ROR2: variants seen among roughly 807,000 people sequenced by gnomAD.
ROR2 encodes the protein ROR family WNT receptor 2, also known as tyrosine-protein kinase transmembrane receptor ROR2.
Under a neutral mutation model 74.9 loss-of-function variants are expected in ROR2, and 33 were observed. The observed-to-expected ratio is 0.44, with a 90% CI of 0.33 to 0.59. ROR2 has a LOEUF of 0.59. Among genes scored for constraint, ROR2 ranks in the 20% least tolerant of loss-of-function variants. The pLI, the probability that ROR2 is intolerant of heterozygous loss-of-function variation, is 0.02. For synonymous variants in ROR2, 586 were observed against 558.7 expected (o/e 1.05, Z -0.69); for missense variants, 1,216 against 1,313.8 (o/e 0.93, Z 1.15).
chr9:91,806,588 TTTTG>T (rs111898473), intron 1 of ROR2, among the ~76,000 whole-genome samples: 21 of 151,998 alleles, frequency 1.4e-4, no homozygotes, highest in South Asian at 4.2e-4. Context: ...ATCATATTAG[TTTTG>T]TTTGTTTGTT....
chr9:91,854,421 C>T (rs1829212154), intron 1 of ROR2, among the ~76,000 whole-genome samples: 1 of 152,206 alleles, frequency 6.6e-6, no homozygotes, highest in Non-Finnish European at 1.5e-5. Context: ...TTGTCACAGA[C>T]AAGCACAGAC....
intron 1 of ROR2, chr9:91,948,648 G>A (rs193258834): frequency 2.0e-6 from 2 of 985,504 alleles, no homozygotes; most frequent in Non-Finnish European, 2.4e-6. Flanking sequence ...CCTGGAGCGC[G>A]CAGCTCCCAG....
At chr9:91,884,184 T>G (rs1224522625) in intron 1 of ROR2, among the ~76,000 whole-genome samples, 1 of 152,224 alleles carries the variant, frequency 6.6e-6, no homozygotes, top group African/African-American at 2.4e-5. Context: ...AGGTTTCAGT[T>G]TGACCTGTCC....
At chr9:91,825,549 C>T (rs557723174) in intron 1 of ROR2, among the ~76,000 whole-genome samples, 157 of 152,254 alleles carry the variant, frequency 1.0e-3, no homozygotes, top group African/African-American at 3.6e-3. Flanking sequence ...GCCTGAGACC[C>T]AGGCAGGGGG....
intron 1 of ROR2, among the ~76,000 whole-genome samples, chr9:91,859,309 C>T (rs185090545): frequency 1.4e-5 from 2 of 147,244 alleles, no homozygotes; most frequent in East Asian, 4.1e-4. Context: ...TCAAGCAATT[C>T]TCCTGCCTCA....
At chr9:91,817,153 G>C (rs1827966481) in intron 1 of ROR2, among the ~76,000 whole-genome samples, 1 of 152,170 alleles carries the variant, frequency 6.6e-6, no homozygotes. Context: ...AACCCCAGGG[G>C]CTCAGTGCTG....
chr9:91,839,273 T>TGTGTGTGTGTGTGTGTGTAAGTACAGGC (rs1563991818), intron 1 of ROR2, among the ~76,000 whole-genome samples: 18 of 130,768 alleles, frequency 1.4e-4, no homozygotes, highest in South Asian at 7.2e-4. Flanking sequence ...TGTGTGTGTG[T>TGTGTGTGTGTGTGTGTGTAAGTACAGGC]GTGTGTGTGT....
chr9:91,770,576 C>T lies in ROR2; in HGVS notation c.175+5165G>A, dbSNP rs146368507. Among the ~76,000 whole-genome samples the T allele has an allele frequency of 9.8e-5, 15 of 152,336 alleles. No homozygotes were observed. The East Asian group carries it at 1.5e-3, about 16-fold the overall frequency. On this transcript the variant is annotated intron_variant, in intron 2 of 8. Coordinates refer to ENST00000375708, the MANE Select transcript of ROR2 (RefSeq NM_004560.4). ...GACACACAACTGCCATCTCTGTGCA[C>T]GCTCAGAACAACTAACATTCATCAT...
intron 6 of ROR2, among the ~76,000 whole-genome samples, chr9:91,732,161 C>T (rs1410374904): frequency 1.3e-5 from 2 of 152,312 alleles, no homozygotes; most frequent in East Asian, 3.9e-4. Context: ...ATGCTAAATA[C>T]AGCCCCGGAG....
intron 7 of ROR2, among the ~76,000 whole-genome samples, chr9:91,727,024 A>T (rs1837065243): frequency 1.3e-5 from 2 of 152,208 alleles, no homozygotes; most frequent in African/African-American, 2.4e-5. Flanking sequence ...TAATGATCTT[A>T]ATAACGACCA....
At chr9:91,928,454 G>A (rs531068168) in intron 1 of ROR2, among the ~76,000 whole-genome samples, 1 of 152,302 alleles carries the variant, frequency 6.6e-6, no homozygotes, top group African/African-American at 2.4e-5. Context: ...CTGTGCCCTG[G>A]TGGCCACATA....
At chr9:91,920,880 G>A (rs1831247785) in intron 1 of ROR2, among the ~76,000 whole-genome samples, 1 of 152,220 alleles carries the variant, frequency 6.6e-6, no homozygotes, top group African/African-American at 2.4e-5. Context: ...CGGACCAAGG[G>A]TGTGCTTCAC....
chr9:91,949,773 C>G, intron 1 of ROR2, 94 bp downstream of exon 1: 2 of 828,130 alleles, frequency 2.4e-6, no homozygotes, highest in Non-Finnish European at 4.0e-6. Context: ...GCATGGGCGC[C>G]GGCGCAGCGG....
intron 1 of ROR2, among the ~76,000 whole-genome samples, chr9:91,852,105 C>T (rs1829116285): frequency 1.3e-5 from 2 of 151,840 alleles, no homozygotes; most frequent in South Asian, 2.1e-4. Flanking sequence ...AATGGCTTTG[C>T]TGCTACTGGT....
chr9:91,787,123 G>A (rs1826829974), intron 1 of ROR2, among the ~76,000 whole-genome samples: 1 of 152,192 alleles, frequency 6.6e-6, no homozygotes, highest in Admixed American at 6.5e-5. Flanking sequence ...AGAAACACAG[G>A]CAAGGCATGT....
chr9:91,731,224 A>T, intron 6 of ROR2, 69 bp from the exon 7 acceptor site: 1 of 1,604,252 alleles, frequency 6.2e-7, no homozygotes. Flanking sequence ...CACATGCCCA[A>T]ACTAGAATTT....
Position 91,723,150 on chromosome 9 carries a change from G to C in ROR2, c.*512C>G, listed in dbSNP as rs773033119. On this transcript the variant is annotated 3_prime_UTR_variant, in exon 9 of 9. Transcript: ENST00000375708. ...GCAGCCTCCGTTCCAGCGAATCTTT[G>C]GCTGCTAAAGGGAGAATATTCTCAG... 3.7e-5 allele frequency: 6 copies of C among 160,358 alleles called. No homozygotes were observed. Among genetic ancestry groups the C allele is most frequent in the Middle Eastern group, 3.0e-3 (1 of 334 alleles). The allele number at this position is 160,358 out of a possible 1,614,324, so 9.9% of individuals were successfully genotyped here.
intron 1 of ROR2, among the ~76,000 whole-genome samples, chr9:91,935,250 G>A (rs546101707): frequency 1.4e-4 from 21 of 152,342 alleles, no homozygotes; most frequent in Admixed American, 6.5e-4. Flanking sequence ...AAACCTCAGA[G>A]GAGCAGCCAG....
intron 1 of ROR2, among the ~76,000 whole-genome samples, chr9:91,863,724 G>A (rs1248159848): frequency 6.6e-6 from 1 of 152,100 alleles, no homozygotes; most frequent in Admixed American, 6.6e-5. Flanking sequence ...AGATGGAAAG[G>A]AGATTCGCAG....
Sources: gnomAD v4.1 joint callset for allele counts (sites outside exome capture counted in the v4.1 genomes callset) on GRCh38, gnomAD v4.1.1 for gene constraint, MANE v1.5 for transcripts, NCBI Gene and HGNC (gene_info 2026-07-23, HGNC 2026-07-21) for gene names.